Variants in GALNTL6 observed in about 807,000 individuals in gnomAD.
The protein encoded by GALNTL6 is polypeptide N-acetylgalactosaminyltransferase-like 6.
A neutral mutation model predicts 73.7 loss-of-function variants in GALNTL6; 46 were observed. The ratio of observed to expected loss-of-function variants is 0.62; its 90% CI spans 0.49 to 0.80. The LOEUF is 0.80. Among genes scored for constraint, GALNTL6 ranks in the 30% least tolerant of loss-of-function variants. GALNTL6 has a pLI of 0.00. For synonymous variants in GALNTL6, 259 were observed against 263.7 expected, an observed-to-expected ratio of 0.98 and a Z score of 0.17; for missense variants, 604 against 755.0, an observed-to-expected ratio of 0.80 and a Z score of 2.34.
chr4:172,636,465 C>G (rs1410419567), intron 5 of GALNTL6, among the ~76,000 whole-genome samples: 1 of 152,134 alleles, frequency 6.6e-6, no homozygotes. Context: ...CTCTACATTA[C>G]TTGGGCAGGC....
At chr4:172,096,185 C>A (rs1391173531) in intron 2 of GALNTL6, among the ~76,000 whole-genome samples, 3 of 151,850 alleles carry the variant, frequency 2.0e-5, no homozygotes, top group Non-Finnish European at 4.4e-5. Context: ...CTCACTGCAG[C>A]CTTGAACTCC....
In GALNTL6 at chr4:171,839,066, AT is replaced by A. The variant is rs750614799; in HGVS notation, c.138+24359del. ...CTTAAACATAAATAAAAGTCCAGAG[AT>A]TTTTTTTTTTATGTAGTAGTTCAGA... On this transcript the variant is annotated intron_variant, in intron 2 of 12. Transcript: ENST00000506823. 2.3e-3 allele frequency among the ~76,000 whole-genome samples: 334 copies of A among 147,882 alleles called. 2 individuals carry two copies. Among genetic ancestry groups the A allele is most frequent in the African/African-American group, 6.3e-3 (253 of 40,444 alleles).
chr4:172,546,498 A>C, intron 5 of GALNTL6, among the ~76,000 whole-genome samples: 1 of 148,968 alleles, frequency 6.7e-6, no homozygotes, highest in Admixed American at 6.7e-5. Flanking sequence ...ACAAGTTTAA[A>C]AAAAAAAAAG....
intron 5 of GALNTL6, among the ~76,000 whole-genome samples, chr4:172,784,651 A>G (rs1739554037): frequency 1.3e-5 from 2 of 152,168 alleles, no homozygotes; most frequent in Admixed American, 1.3e-4. Context: ...GAATGAAGGG[A>G]ACTTATAATT....
chr4:172,625,217 C>T (rs957105218), intron 5 of GALNTL6, among the ~76,000 whole-genome samples: 3 of 151,954 alleles, frequency 2.0e-5, no homozygotes, highest in African/African-American at 7.2e-5. Context: ...TACCCTTGAC[C>T]TCATTTCTCA....
At chr4:172,259,435 A>T (rs1579308050) in intron 3 of GALNTL6, among the ~76,000 whole-genome samples, 1 of 144,274 alleles carries the variant, frequency 6.9e-6, no homozygotes, top group African/African-American at 2.5e-5. Flanking sequence ...TCTTTTACCC[A>T]CTTTTTGATG....
intron 5 of GALNTL6, among the ~76,000 whole-genome samples, chr4:172,760,520 G>A (rs1483866292): frequency 6.6e-6 from 1 of 152,174 alleles, no homozygotes; most frequent in African/African-American, 2.4e-5. Context: ...TTGCTCTGCT[G>A]TGATGACCTC....
intron 2 of GALNTL6, among the ~76,000 whole-genome samples, chr4:172,046,077 T>C (rs1395180859): frequency 6.6e-6 from 1 of 152,056 alleles, no homozygotes; most frequent in African/African-American, 2.4e-5. Context: ...ATACCACATT[T>C]TTATAATCAT....
intron 5 of GALNTL6, among the ~76,000 whole-genome samples, chr4:172,423,608 A>G (rs1286846267): frequency 6.6e-6 from 1 of 152,096 alleles, no homozygotes; most frequent in Non-Finnish European, 1.5e-5. Flanking sequence ...GAAATACAAC[A>G]TCACCCTCCA....
intron 5 of GALNTL6, among the ~76,000 whole-genome samples, chr4:172,351,230 C>A (rs572950047): frequency 9.5e-6 from 1 of 104,842 alleles, no homozygotes; most frequent in African/African-American, 3.6e-5. Context: ...TATCTATCTA[C>A]CTCTTTACTG....
chr4:172,300,067 AT>A (rs1484534619), intron 3 of GALNTL6, among the ~76,000 whole-genome samples: 1 of 152,108 alleles, frequency 6.6e-6, no homozygotes, highest in Non-Finnish European at 1.5e-5. Context: ...TTGGGTGCAT[AT>A]ATATATTTAG....
At chr4:172,716,065 C>A (rs747987973) in intron 5 of GALNTL6, among the ~76,000 whole-genome samples, 1 of 151,752 alleles carries the variant, frequency 6.6e-6, no homozygotes. Flanking sequence ...TGCTCCCGCA[C>A]CCCACCCCAA....
intron 5 of GALNTL6, among the ~76,000 whole-genome samples, chr4:172,419,499 A>G (rs1379258755): frequency 6.6e-6 from 1 of 152,184 alleles, no homozygotes; most frequent in Non-Finnish European, 1.5e-5. Flanking sequence ...CATTTAATAT[A>G]TTTAGCATAG....
chr4:172,361,510 C>G (rs549985759), intron 5 of GALNTL6, among the ~76,000 whole-genome samples: 1 of 152,232 alleles, frequency 6.6e-6, no homozygotes, highest in South Asian at 2.1e-4. Context: ...GGGCCTCTTA[C>G]TTTCCAAGGT....
At chr4:172,559,356 A>G (rs913443953) in intron 5 of GALNTL6, among the ~76,000 whole-genome samples, 7 of 152,080 alleles carry the variant, frequency 4.6e-5, no homozygotes, top group Non-Finnish European at 8.8e-5. Flanking sequence ...GATTTAAAGC[A>G]GTTTGAGAAC....
chr4:172,770,154 T>C (rs1369040326), intron 5 of GALNTL6, among the ~76,000 whole-genome samples: 1 of 151,886 alleles, frequency 6.6e-6, no homozygotes, highest in Non-Finnish European at 1.5e-5. Context: ...TAACCCCAGC[T>C]ACTTGGGAGG....
At chr4:172,050,015 A>T (rs948246208) in intron 2 of GALNTL6, among the ~76,000 whole-genome samples, 17 of 152,118 alleles carry the variant, frequency 1.1e-4, no homozygotes, top group Non-Finnish European at 2.1e-4. Flanking sequence ...AAAGAAAAAA[A>T]AAATGCAGGC....
intron 3 of GALNTL6, among the ~76,000 whole-genome samples, chr4:172,240,850 G>T (rs1481220277): frequency 1.3e-5 from 2 of 152,056 alleles, no homozygotes; most frequent in Non-Finnish European, 2.9e-5. Flanking sequence ...TGTCATTTCA[G>T]CTGGTTAAGA....
chr4:172,023,837 C>T (rs1741473715), intron 2 of GALNTL6, among the ~76,000 whole-genome samples: 1 of 151,806 alleles, frequency 6.6e-6, no homozygotes, highest in South Asian at 2.1e-4. Flanking sequence ...TATTATAATA[C>T]AAATACATTT....
Sources: gnomAD v4.1 joint callset for allele counts (sites outside exome capture counted in the v4.1 genomes callset) on GRCh38, gnomAD v4.1.1 for gene constraint, MANE v1.5 for transcripts, NCBI Gene and HGNC (gene_info 2026-07-23, HGNC 2026-07-21) for gene names.